ABCA1: variants seen among roughly 807,000 people sequenced by gnomAD.
The protein encoded by ABCA1 is phospholipid-transporting ATPase ABCA1.
In ABCA1, 133 loss-of-function variants were observed where a neutral mutation model predicts 262.5. The observed-to-expected ratio is 0.51, with a 90% CI of 0.44 to 0.59. The LOEUF (loss-of-function observed/expected upper bound fraction) is 0.59, where lower values mean the gene tolerates loss of function less well. Ranked by LOEUF, ABCA1 falls within the 20% of genes least tolerant of loss-of-function variation. ABCA1 has a pLI of 0.00. For synonymous variants in ABCA1, 1,022 were observed against 1,043.5 expected, an observed-to-expected ratio of 0.98 and a Z score of 0.40; for missense variants, 2,452 against 2,777.5, an observed-to-expected ratio of 0.88 and a Z score of 2.63.
chr9:104,805,141 T>A (rs1291051768), intron 31 of ABCA1, among the ~76,000 whole-genome samples: 1 of 152,074 alleles, frequency 6.6e-6, no homozygotes, highest in Admixed American at 6.6e-5. Context: ...GTGGCGCAAT[T>A]TTGGCTCCCT....
Position 104,819,934 on chromosome 9 carries a change from C to T in ABCA1, c.3096G>A (p.Gln1032=). ...PSSKLKSKTS[Q]LSGGMQRKLS... ...GGTAGCTCTGGGCCGCACCTGACAG[C>T]TGGCTTGTTTTGCTTTTCAGCTTGC... The change falls in exon 21 of 50, where the codon CAG becomes CAA. Residue 1032 remains glutamine, a synonymous_variant. Coordinates refer to ENST00000374736, the MANE Select transcript of ABCA1 (RefSeq NM_005502.4). 6.2e-7 allele frequency: 1 copy of T among 1,613,408 alleles called. No homozygotes were observed.
chr9:104,909,714 T>C lies in ABCA1; in HGVS notation c.-92-5943A>G, dbSNP rs1231865498. 2.0e-5 allele frequency among the ~76,000 whole-genome samples: 3 copies of C among 151,510 alleles called. No individual in the cohort carries two copies. In the East Asian group the frequency reaches 5.8e-4, roughly 29 times the overall value. ...GACCCTAGTTAGCACCTGGCACGTGTTCTCCCACCTCTTCCTCACCAAAAC... is the reference window on the plus strand; with the variant it reads ...GACCCTAGTTAGCACCTGGCACGTGCTCTCCCACCTCTTCCTCACCAAAAC... On this transcript the variant is annotated intron_variant, in intron 1 of 49. Transcript: ENST00000374736.
intron 5 of ABCA1, among the ~76,000 whole-genome samples, chr9:104,882,048 A>AC (rs1319399536): frequency 2.3e-4 from 34 of 150,228 alleles, no homozygotes; most frequent in African/African-American, 8.3e-4. Flanking sequence ...AAAAAAAAAA[A>AC]AAAAAAAAAC....
At chr9:104,812,500 C>G in intron 28 of ABCA1, 74 bp downstream of exon 28, 1 of 1,590,370 alleles carries the variant, frequency 6.3e-7, no homozygotes, top group Non-Finnish European at 8.6e-7. Context: ...AGGATGCTAT[C>G]CTGCCTTCAC....
chr9:104,803,255 C>A (rs754055548), intron 33 of ABCA1, 29 bp downstream of exon 33: 1 of 1,613,400 alleles, frequency 6.2e-7, no homozygotes, highest in South Asian at 1.1e-5. Context: ...TCCCCCTGAG[C>A]TAAACGTGCC....
At chr9:104,910,597 T>C (rs1037435868) in intron 1 of ABCA1, among the ~76,000 whole-genome samples, 3 of 152,234 alleles carry the variant, frequency 2.0e-5, no homozygotes, top group African/African-American at 7.2e-5. Flanking sequence ...TATGTGTGTG[T>C]GTGTATGTGC....
chr9:104,861,650 T>C (rs1836397554), intron 6 of ABCA1, 29 bp downstream of exon 6: 1 of 1,614,018 alleles, frequency 6.2e-7, no homozygotes, highest in Non-Finnish European at 8.5e-7. Flanking sequence ...CCATCAGCCC[T>C]ACTGAGGAAG....
chr9:104,823,128 AG>A (rs967996028), intron 18 of ABCA1, among the ~76,000 whole-genome samples: 1 of 151,986 alleles, frequency 6.6e-6, no homozygotes, highest in African/African-American at 2.4e-5. Flanking sequence ...GTAACATTCT[AG>A]AAATAATAAA....
intron 30 of ABCA1, 62 bp from the exon 31 acceptor site, chr9:104,806,492 A>G: frequency 6.6e-7 from 1 of 1,523,598 alleles, no homozygotes; most frequent in South Asian, 1.1e-5. Context: ...CTGTTGCCTC[A>G]GGAGCACAGG....
intron 5 of ABCA1, among the ~76,000 whole-genome samples, chr9:104,869,548 A>G (rs901773666): frequency 6.6e-6 from 1 of 152,192 alleles, no homozygotes; most frequent in Non-Finnish European, 1.5e-5. Context: ...TTCTTGAAGA[A>G]TAGACGATGC....
At position 104,784,100 on chromosome 9, in the gene ABCA1, G is replaced by C; in HGVS notation, c.*215C>G. On this transcript the variant is annotated 3_prime_UTR_variant, in exon 50 of 50. Transcript: ENST00000374736. The stretch of plus-strand genomic sequence containing the variant: ...AACTAAATTCAAGTCTTTCACTTGA[G>C]AGCCATACAAGACATAGGCTACAAA... 5.2e-6 allele frequency: 3 copies of C among 576,088 alleles called. No individual in the cohort carries two copies. The highest frequency in any genetic ancestry group is 4.3e-5 in the South Asian group (2 of 46,522). The allele number at this position is 576,088 out of a possible 1,614,324, so 35.7% of individuals were successfully genotyped here.
rs1467644525 is a variant in ABCA1 at position 104,781,503 on chromosome 9, TACAACC to T, written c.*2806_*2811del. ...TTTGGAAAATATTTTACCTGATATA[TACAACC>T]ACAAGAAGAAAACACAGACAAATGG... On this transcript the variant is annotated 3_prime_UTR_variant, in exon 50 of 50. Transcript: ENST00000374736. The T allele has an allele frequency of 6.6e-6, 1 of 152,614 alleles. No individual in the cohort carries two copies. The highest frequency in any genetic ancestry group is 1.5e-5 in the Non-Finnish European group (1 of 67,998). The allele number at this position is 152,614 out of a possible 1,614,324, so 9.5% of individuals were successfully genotyped here. A position where few individuals can be genotyped will look rare whatever the true frequency, so the allele number is the denominator to read the frequency against.
intron 7 of ABCA1, among the ~76,000 whole-genome samples, chr9:104,847,674 C>G (rs1835014234): frequency 6.6e-6 from 1 of 152,226 alleles, no homozygotes; most frequent in African/African-American, 2.4e-5. Flanking sequence ...CAGCCACACT[C>G]CAATGTGCTG....
At chr9:104,915,849 T>G (rs1392984249) in intron 1 of ABCA1, among the ~76,000 whole-genome samples, 2 of 152,140 alleles carry the variant, frequency 1.3e-5, no homozygotes, top group Admixed American at 6.5e-5. Flanking sequence ...TGAGAGCTGG[T>G]GTTGGTCACA....
intron 7 of ABCA1, among the ~76,000 whole-genome samples, chr9:104,845,847 T>TG (rs1408047804): frequency 6.6e-6 from 1 of 152,198 alleles, no homozygotes; most frequent in Non-Finnish European, 1.5e-5. Context: ...TCATGTGGGC[T>TG]GGGGGGATGT....
At chr9:104,813,358 C>T (rs1183955997) in intron 27 of ABCA1, among the ~76,000 whole-genome samples, 1 of 152,174 alleles carries the variant, frequency 6.6e-6, no homozygotes, top group Admixed American at 6.5e-5. Context: ...TGTCTTAGCT[C>T]TCCTCTCCAT....
intron 2 of ABCA1, among the ~76,000 whole-genome samples, chr9:104,890,635 T>A (rs1467953321): frequency 6.6e-6 from 1 of 151,264 alleles, no homozygotes; most frequent in African/African-American, 2.4e-5. Context: ...AGGGTCTTGC[T>A]CCATCGTCCA....
intron 33 of ABCA1, among the ~76,000 whole-genome samples, chr9:104,802,976 G>C (rs1018916532): frequency 1.3e-5 from 2 of 152,248 alleles, no homozygotes; most frequent in South Asian, 4.2e-4. Flanking sequence ...GAAATCCCTA[G>C]ACACCTGCAG....
intron 5 of ABCA1, among the ~76,000 whole-genome samples, chr9:104,873,320 T>C (rs1837801458): frequency 6.6e-6 from 1 of 152,162 alleles, no homozygotes; most frequent in Admixed American, 6.5e-5. Context: ...GGCTGTAACC[T>C]CAACTTTAGC....
Sources: gnomAD v4.1 joint callset for allele counts (sites outside exome capture counted in the v4.1 genomes callset) on GRCh38, gnomAD v4.1.1 for gene constraint, MANE v1.5 for transcripts, NCBI Gene and HGNC (gene_info 2026-07-23, HGNC 2026-07-21) for gene names.